Variants in SREK1IP1 observed in about 807,000 individuals in gnomAD.
SREK1IP1 encodes the protein protein SREK1IP1.
In SREK1IP1, 12 loss-of-function variants were observed where a neutral mutation model predicts 22.8. That is an observed-to-expected ratio of 0.53 (90% CI 0.34 to 0.85). The LOEUF is 0.85. SREK1IP1 is among the 40% of genes least tolerant of loss of function. SREK1IP1 has a pLI of 0.02. For synonymous variants in SREK1IP1, 53 were observed against 52.7 expected, an observed-to-expected ratio of 1.01 and a Z score of -0.02; for missense variants, 147 against 171.8, an observed-to-expected ratio of 0.86 and a Z score of 0.81.
chr5:64,736,890 T>A (rs1742471818), intron 3 of SREK1IP1, among the ~76,000 whole-genome samples: 1 of 151,892 alleles, frequency 6.6e-6, no homozygotes. Flanking sequence ...TCACTTTAGC[T>A]TTCCTTTTAG....
chr5:64,740,667 C>A (rs1742537870), intron 3 of SREK1IP1, among the ~76,000 whole-genome samples: 1 of 152,146 alleles, frequency 6.6e-6, no homozygotes, highest in Non-Finnish European at 1.5e-5. Context: ...GACAATCCAA[C>A]ATTTTGTGTT....
chr5:64,751,313 A>C (rs1742737037), intron 2 of SREK1IP1, among the ~76,000 whole-genome samples: 1 of 152,166 alleles, frequency 6.6e-6, no homozygotes, highest in Non-Finnish European at 1.5e-5. Flanking sequence ...CTCTATGAGG[A>C]GTCTGTTATT....
At chr5:64,730,862 A>G (rs1361266819) in intron 3 of SREK1IP1, among the ~76,000 whole-genome samples, 1 of 152,194 alleles carries the variant, frequency 6.6e-6, no homozygotes, top group African/African-American at 2.4e-5. Context: ...AGGTTCATCC[A>G]TATTTGGGGT....
intron 1 of SREK1IP1, among the ~76,000 whole-genome samples, chr5:64,762,013 T>G (rs540136432): frequency 3.7e-4 from 57 of 152,344 alleles, no homozygotes; most frequent in African/African-American, 1.3e-3. Context: ...TGCTTCAGGT[T>G]GGTCAGTGGT....
Position 64,719,506 on chromosome 5 carries a change from G to A in SREK1IP1, c.*4878C>T, listed in dbSNP as rs770214980. On this transcript the variant is annotated 3_prime_UTR_variant, in exon 5 of 5. Coordinates refer to ENST00000513458, the MANE Select transcript of SREK1IP1 (RefSeq NM_173829.4). The stretch of plus-strand genomic sequence containing the variant: ...TCTTTGATACAACTTTGATTTTAAA[G>A]TATCCCAGAAAATTTGCTATCTTTA... 2.0e-5 allele frequency: 3 copies of A among 152,114 alleles called. No homozygotes were observed. The highest frequency in any genetic ancestry group is 4.4e-5 in the Non-Finnish European group (3 of 68,030). 9.4% of individuals were successfully genotyped at this position (152,114 alleles called of 1,614,324 possible).
intron 1 of SREK1IP1, among the ~76,000 whole-genome samples, chr5:64,758,908 T>G (rs942280616): frequency 3.9e-5 from 6 of 152,220 alleles, no homozygotes; most frequent in African/African-American, 1.4e-4. Context: ...CTCACCAGTC[T>G]TTGGTTAAAT....
At chr5:64,738,292 A>G (rs1214319710) in intron 3 of SREK1IP1, among the ~76,000 whole-genome samples, 1 of 152,204 alleles carries the variant, frequency 6.6e-6, no homozygotes, top group Non-Finnish European at 1.5e-5. Context: ...TAAATGTGAA[A>G]CATCACATTA....
At position 64,718,452 on chromosome 5, in the gene SREK1IP1, T is replaced by C. The variant is rs1350093724; in HGVS notation, c.*5932A>G. On this transcript the variant is annotated 3_prime_UTR_variant, in exon 5 of 5. Coordinates refer to ENST00000513458, the MANE Select transcript of SREK1IP1 (RefSeq NM_173829.4). ...GTCTTAAAAACTAGAGGTGACTTGT[T>C]CTTAAATCTCTTAGAAGTCAACCCA... 1 of 152,798 alleles carries C rather than the reference T, an allele frequency of 6.5e-6. No individual in the cohort carries two copies. The highest frequency in any genetic ancestry group is 1.5e-5 in the Non-Finnish European group (1 of 68,530). 9.5% of individuals were successfully genotyped at this position (152,798 alleles called of 1,614,324 possible).
intron 1 of SREK1IP1, among the ~76,000 whole-genome samples, chr5:64,767,976 A>G (rs141812837): frequency 9.3e-4 from 141 of 152,330 alleles, no homozygotes; most frequent in Non-Finnish European, 1.6e-3. Flanking sequence ...ATAATTCAAC[A>G]AAGCTCCTTC....
intron 1 of SREK1IP1, among the ~76,000 whole-genome samples, chr5:64,764,721 T>C (rs1025628835): frequency 1.3e-5 from 2 of 152,112 alleles, no homozygotes; most frequent in Admixed American, 6.5e-5. Flanking sequence ...CAGATAGGGG[T>C]CAAGAACTAA....
intron 2 of SREK1IP1, among the ~76,000 whole-genome samples, chr5:64,743,762 T>C (rs1742588105): frequency 6.6e-6 from 1 of 152,216 alleles, no homozygotes; most frequent in African/African-American, 2.4e-5. Flanking sequence ...TCTTTTTAGT[T>C]TATTGTTCGT....
At chr5:64,755,774 T>C (rs275824) in intron 1 of SREK1IP1, among the ~76,000 whole-genome samples, 95,027 of 151,828 alleles carry the variant, frequency 0.63, 31,601 homozygotes, top group African/African-American at 0.87. Flanking sequence ...AAGAATTCTA[T>C]AGCATTGAGG....
In SREK1IP1 at chr5:64,719,075, A is replaced by AG. The variant is rs1260948004; in HGVS notation, c.*5308dup. On this transcript the variant is annotated 3_prime_UTR_variant, in exon 5 of 5. Transcript: ENST00000513458. ...CTACCAAGTACTAAGGTTATCTTCT[A>AG]GACCAGAATTAAGAGAAGTTTCTGT... 2 of 152,256 alleles carry AG rather than the reference A, an allele frequency of 1.3e-5. No individual in the cohort carries two copies. Among genetic ancestry groups the AG allele is most frequent in the Non-Finnish European group, 2.9e-5 (2 of 68,040 alleles). The allele number at this position is 152,256 out of a possible 1,614,324, so 9.4% of individuals were successfully genotyped here. A position where few individuals can be genotyped will look rare whatever the true frequency, so the allele number is the denominator to read the frequency against.
chr5:64,763,945 G>A (rs1824352), intron 1 of SREK1IP1, among the ~76,000 whole-genome samples: 25,979 of 152,088 alleles, frequency 0.17, 2,645 homozygotes, highest in Non-Finnish European at 0.23. Context: ...ATTATACTTT[G>A]AAGCATTATT....
chr5:64,748,599 T>C (rs1169897302), intron 2 of SREK1IP1, among the ~76,000 whole-genome samples: 1 of 152,226 alleles, frequency 6.6e-6, no homozygotes. Flanking sequence ...ACTAACACAG[T>C]AACCCTGGGC....
intron 3 of SREK1IP1, among the ~76,000 whole-genome samples, chr5:64,736,486 G>C (rs1028426677): frequency 4.0e-5 from 6 of 150,598 alleles, no homozygotes; most frequent in Non-Finnish European, 7.4e-5. Flanking sequence ...TTTTGAGATG[G>C]AGTTTCACTC....
At chr5:64,737,459 A>T (rs1044429253) in intron 3 of SREK1IP1, among the ~76,000 whole-genome samples, 3 of 150,362 alleles carry the variant, frequency 2.0e-5, no homozygotes, top group African/African-American at 7.3e-5. Flanking sequence ...TATATGATAA[A>T]TGATTTTATT....
intron 1 of SREK1IP1, among the ~76,000 whole-genome samples, chr5:64,755,704 T>G (rs1236674411): frequency 6.6e-6 from 1 of 151,656 alleles, no homozygotes; most frequent in African/African-American, 2.4e-5. Context: ...AAATAAAAGT[T>G]GAAAAATAAA....
chr5:64,732,283 G>A (rs1204449131), intron 3 of SREK1IP1, among the ~76,000 whole-genome samples: 4 of 151,894 alleles, frequency 2.6e-5, no homozygotes, highest in African/African-American at 9.7e-5. Context: ...GAAATACTTG[G>A]AAATAACAAA....
Sources: allele counts gnomAD v4.1 joint callset (sites outside exome capture counted in the v4.1 genomes callset), GRCh38; gene constraint gnomAD v4.1.1; transcripts MANE v1.5; gene names NCBI Gene and HGNC (gene_info 2026-07-23, HGNC 2026-07-21).